The following SRP54 variants were observed in gnomAD, a reference collection of about 807,000 sequenced individuals.
SRP54 encodes signal recognition particle 54, also known as signal recognition particle subunit SRP54.
A neutral mutation model predicts 64.8 loss-of-function variants in SRP54; 10 were observed. The ratio of observed to expected loss-of-function variants is 0.15; its 90% CI spans 0.10 to 0.26. The LOEUF is 0.26. Among genes scored for constraint, SRP54 ranks in the 10% least tolerant of loss-of-function variants. SRP54 has a pLI of 1.00. For missense variants in SRP54, 325 were observed against 613.7 expected (o/e 0.53, Z 4.97); for synonymous variants, 193 against 185.6 (o/e 1.04, Z -0.32).
intron 1 of SRP54, 49 bp from the exon 2 acceptor site, chr14:34,996,628 C>A: frequency 2.1e-6 from 2 of 936,448 alleles, no homozygotes; most frequent in South Asian, 2.6e-5. Flanking sequence ...ACTCTTCAGT[C>A]ATGGGAAGTG....
chr14:34,995,168 T>A (rs2044051395), intron 1 of SRP54, among the ~76,000 whole-genome samples: 1 of 125,252 alleles, frequency 8.0e-6, no homozygotes, highest in Non-Finnish European at 1.9e-5. Context: ...TGTGTGTGTG[T>A]GTGTGTGTGT....
Position 35,029,323 on chromosome 14 carries a change from T to G in SRP54, c.*171T>G, listed in dbSNP as rs1023920718. The G allele has an allele frequency of 2.8e-5, 14 of 497,642 alleles. No individual in the cohort carries two copies. Among genetic ancestry groups the G allele is most frequent in the African/African-American group, 2.6e-4 (13 of 50,326 alleles). 30.8% of individuals were successfully genotyped at this position (497,642 alleles called of 1,614,324 possible). On this transcript the variant is annotated 3_prime_UTR_variant, in exon 16 of 16. Coordinates refer to ENST00000216774, the MANE Select transcript of SRP54 (RefSeq NM_003136.4). ...CTCCTTTTCTTTTTCCTTCCTTCTT[T>G]CCTCCCTTTAATATAAGGGAGAAAT...
intron 2 of SRP54, among the ~76,000 whole-genome samples, chr14:34,999,006 TGTGTGTGG>T (rs1167975216): frequency 0.091 from 8,148 of 89,114 alleles, 1,210 homozygotes; most frequent in East Asian, 0.23. Flanking sequence ...TGTGTGTGTG[TGTGTGTGG>T]TTTTTTTTTT....
chr14:35,028,195 G>A lies in SRP54; in HGVS notation c.1423+12G>A. On this transcript the variant is annotated intron_variant, in intron 15 of 15. Transcript: ENST00000216774. ...TCTTCATCACATGGGTAAATACCAA[G>A]TTGTTGGCAGTTGCTAATGCAGTTT... 2 of 1,531,796 alleles carry A rather than the reference G, an allele frequency of 1.3e-6. No homozygotes were observed. Among genetic ancestry groups the A allele is most frequent in the Non-Finnish European group, 1.8e-6 (2 of 1,116,546 alleles). The allele number at this position is 1,531,796 out of a possible 1,614,324, so 94.9% of individuals were successfully genotyped here.
intron 1 of SRP54, among the ~76,000 whole-genome samples, chr14:34,995,956 T>G (rs2044065768): frequency 6.6e-6 from 1 of 151,882 alleles, no homozygotes; most frequent in African/African-American, 2.4e-5. Flanking sequence ...TCCCAGCTAC[T>G]TGGGGGGCTA....
intron 11 of SRP54, 80 bp from the exon 12 acceptor site, chr14:35,018,612 A>G (rs1435749707): frequency 4.5e-6 from 5 of 1,107,256 alleles, no homozygotes; most frequent in South Asian, 4.2e-5. Flanking sequence ...AGATGAATTC[A>G]TGATTAAGGA....
At chr14:34,992,717 A>G (rs1178873912) in intron 1 of SRP54, among the ~76,000 whole-genome samples, 4 of 152,168 alleles carry the variant, frequency 2.6e-5, no homozygotes, top group South Asian at 4.1e-4. Context: ...TCATGTGTGT[A>G]TAAGTCCAGT....
chr14:34,989,746 T>G (rs1012188866), intron 1 of SRP54, among the ~76,000 whole-genome samples: 1 of 152,098 alleles, frequency 6.6e-6, no homozygotes, highest in Non-Finnish European at 1.5e-5. Context: ...CCAGCTTACT[T>G]ACACTCCATA....
chr14:35,011,755 C>T, intron 8 of SRP54, 96 bp downstream of exon 8: 1 of 1,121,728 alleles, frequency 8.9e-7, no homozygotes. Context: ...TATTCTTTGC[C>T]TGTGAGGCAG....
At chr14:34,998,657 C>T (rs1446406232) in intron 2 of SRP54, among the ~76,000 whole-genome samples, 1 of 151,554 alleles carries the variant, frequency 6.6e-6, no homozygotes. Context: ...ACTAACAATA[C>T]AAAAAATTAG....
intron 13 of SRP54, among the ~76,000 whole-genome samples, chr14:35,022,639 G>A (rs1210491316): frequency 6.6e-6 from 1 of 152,190 alleles, no homozygotes; most frequent in Admixed American, 6.5e-5. Flanking sequence ...ACAGGCATGA[G>A]CCACCACGCC....
chr14:35,010,550 A>T (rs2139002558), intron 7 of SRP54, among the ~76,000 whole-genome samples: 1 of 152,300 alleles, frequency 6.6e-6, no homozygotes, highest in South Asian at 2.1e-4. Context: ...GCATATCATG[A>T]GGTCAGAAGT....
chr14:34,985,149 G>A (rs1010927947), intron 1 of SRP54, among the ~76,000 whole-genome samples: 6 of 152,156 alleles, frequency 3.9e-5, no homozygotes, highest in African/African-American at 1.4e-4. Context: ...TGGGTAACAT[G>A]GCGAAACTCC....
chr14:35,007,608 ATAAAATATATTTTAT>A (rs1273132841), intron 5 of SRP54, among the ~76,000 whole-genome samples: 50 of 142,140 alleles, frequency 3.5e-4, no homozygotes, highest in African/African-American at 1.1e-3. Flanking sequence ...ATATATTTAC[ATAAAATATATTTTAT>A]TAAAATATAT....
intron 2 of SRP54, among the ~76,000 whole-genome samples, chr14:34,997,312 G>A (rs1243622782): frequency 2.0e-5 from 3 of 151,808 alleles, no homozygotes; most frequent in Non-Finnish European, 2.9e-5. Flanking sequence ...TTTTCTTCCC[G>A]GCTATATTAT....
intron 10 of SRP54, 53 bp downstream of exon 10, chr14:35,013,955 T>G: frequency 7.9e-7 from 1 of 1,273,360 alleles, no homozygotes; most frequent in South Asian, 1.3e-5. Flanking sequence ...CGATGTATCT[T>G]TAGGACAAAA....
chr14:35,024,337 A>G (rs2044584896), intron 14 of SRP54, among the ~76,000 whole-genome samples: 1 of 152,092 alleles, frequency 6.6e-6, no homozygotes, highest in Non-Finnish European at 1.5e-5. Flanking sequence ...CCTCACTTCC[A>G]TTTTAATGGT....
intron 1 of SRP54, among the ~76,000 whole-genome samples, chr14:34,995,081 CTTTTTTTTCCT>C (rs1566643497): frequency 7.2e-6 from 1 of 138,040 alleles, no homozygotes; most frequent in Non-Finnish European, 1.5e-5. Flanking sequence ...TGTACCTGGC[CTTTTTTTTCCT>C]TTTTTTTTTT....
At chr14:35,014,705 T>A (rs758689044) in intron 10 of SRP54, 39 bp from the exon 11 acceptor site, 1 of 1,427,354 alleles carries the variant, frequency 7.0e-7, no homozygotes, top group Non-Finnish European at 9.9e-7. Flanking sequence ...AAGCAGGGTA[T>A]AGTATTAGTT....
Sources: gnomAD v4.1 joint callset for allele counts (sites outside exome capture counted in the v4.1 genomes callset) on GRCh38, gnomAD v4.1.1 for gene constraint, MANE v1.5 for transcripts, NCBI Gene and HGNC (gene_info 2026-07-23, HGNC 2026-07-21) for gene names.